Variants in CALN1 observed in about 807,000 individuals in gnomAD.
CALN1 encodes the protein calcium-binding protein 8.
A neutral mutation model predicts 30.6 loss-of-function variants in CALN1; 17 were observed. That is an observed-to-expected ratio of 0.56 (90% CI 0.38 to 0.83). CALN1 has a LOEUF of 0.83. Ranked by LOEUF, CALN1 falls within the 40% of genes least tolerant of loss-of-function variation. The probability of loss-of-function intolerance (pLI) is 0.00; values close to 1 mark genes in which losing one functional copy is unlikely to be tolerated. For synonymous variants in CALN1, 156 were observed against 131.4 expected (o/e 1.19, Z -1.28); for missense variants, 291 against 354.9 (o/e 0.82, Z 1.45).
At chr7:72,180,553 G>T in intron 3 of CALN1, among the ~76,000 whole-genome samples, 1 of 140,902 alleles carries the variant, frequency 7.1e-6, no homozygotes, top group Non-Finnish European at 1.5e-5. Context: ...ATCAACTTGG[G>T]CTATTTGGTT....
chr7:72,043,909 G>A lies in CALN1; in HGVS notation c.389-20140C>T, dbSNP rs1198058149. 4.6e-5 allele frequency among the ~76,000 whole-genome samples: 7 copies of A among 152,142 alleles called. No individual in the cohort carries two copies. The East Asian group carries it at 7.7e-4, about 17-fold the overall frequency. On this transcript the variant is annotated intron_variant, in intron 4 of 6. Coordinates refer to ENST00000395275, the MANE Select transcript of CALN1 (RefSeq NM_031468.4). Reference sequence around the variant, plus strand: ...ACAATCATGGCGGAAGGCAAAGGAGGAGCAAGTTACATGGATGTTGGCAGG... The same window carrying A: ...ACAATCATGGCGGAAGGCAAAGGAGAAGCAAGTTACATGGATGTTGGCAGG...
intron 5 of CALN1, among the ~76,000 whole-genome samples, chr7:71,960,981 T>A (rs1797222518): frequency 6.6e-6 from 1 of 152,146 alleles, no homozygotes; most frequent in African/African-American, 2.4e-5. Flanking sequence ...CACACCTGGC[T>A]AATTTTTGTA....
At chr7:72,333,418 A>G (rs1801805494) in intron 2 of CALN1, among the ~76,000 whole-genome samples, 1 of 152,216 alleles carries the variant, frequency 6.6e-6, no homozygotes, top group South Asian at 2.1e-4. Context: ...TGGATGCAAC[A>G]ATGGTGTTTT....
At chr7:72,383,383 G>C (rs1227076409) in intron 2 of CALN1, among the ~76,000 whole-genome samples, 1 of 152,176 alleles carries the variant, frequency 6.6e-6, no homozygotes, top group Non-Finnish European at 1.5e-5. Flanking sequence ...CCCACCAAAA[G>C]TGTATGAGCG....
intron 3 of CALN1, among the ~76,000 whole-genome samples, chr7:72,108,411 T>C (rs1807327161): frequency 6.6e-6 from 1 of 152,240 alleles, no homozygotes. Flanking sequence ...TGCTACACTA[T>C]TGCATCCAGT....
rs182673048 is a variant in CALN1 at position 72,417,441 on chromosome 7, G to A, written c.-225-5166C>T. The stretch of plus-strand genomic sequence containing the variant: ...AAGTAAATGAGAACCTAAACCAAAG[G>A]TGACAAAGAAATCAGTTGCAAGCCT... On this transcript the variant is annotated intron_variant, in intron 1 of 6. Transcript: ENST00000395276. Among the ~76,000 whole-genome samples the A allele has an allele frequency of 1.1e-4, 16 of 152,268 alleles. No homozygotes were observed. The East Asian group carries it at 3.1e-3, about 29-fold the overall frequency.
intron 6 of CALN1, among the ~76,000 whole-genome samples, chr7:71,803,303 G>C (rs1384453628): frequency 6.6e-6 from 1 of 152,144 alleles, no homozygotes; most frequent in Non-Finnish European, 1.5e-5. Context: ...CGGGAAGCCA[G>C]GTGTGATTGA....
intron 5 of CALN1, among the ~76,000 whole-genome samples, chr7:71,863,854 G>C (rs1315301927): frequency 6.6e-6 from 1 of 152,084 alleles, no homozygotes; most frequent in Non-Finnish European, 1.5e-5. Flanking sequence ...TATGTTTCCA[G>C]CTCTCTCTCT....
intron 2 of CALN1, among the ~76,000 whole-genome samples, chr7:72,338,078 G>C (rs1303188981): frequency 6.6e-6 from 1 of 152,114 alleles, no homozygotes; most frequent in African/African-American, 2.4e-5. Context: ...GGTTTGTCTT[G>C]GCAAGAAAAA....
At chr7:72,428,135 A>C (rs1807856586) in intron 1 of CALN1, among the ~76,000 whole-genome samples, 1 of 152,202 alleles carries the variant, frequency 6.6e-6, no homozygotes, top group Non-Finnish European at 1.5e-5. Context: ...CCATCATAGC[A>C]TTGATCACTG....
chr7:72,337,682 G>A (rs556853611), intron 2 of CALN1: 4 of 152,570 alleles, frequency 2.6e-5, no homozygotes, highest in East Asian at 3.9e-4. Context: ...CCGAAGTGGA[G>A]GGGCCAATGG....
At chr7:72,008,746 C>T (rs1286305621) in intron 5 of CALN1, among the ~76,000 whole-genome samples, 4 of 151,254 alleles carry the variant, frequency 2.6e-5, no homozygotes, top group African/African-American at 9.7e-5. Flanking sequence ...ACCTCCGCCT[C>T]CCGGGTTCAA....
At chr7:72,406,953 T>C (rs1310644577) in intron 1 of CALN1, among the ~76,000 whole-genome samples, 1 of 152,064 alleles carries the variant, frequency 6.6e-6, no homozygotes, top group Admixed American at 6.6e-5. Context: ...ACCTACCCAC[T>C]TCCTTTAGCA....
chr7:72,098,459 T>C (rs1806392552), intron 4 of CALN1, among the ~76,000 whole-genome samples: 1 of 152,100 alleles, frequency 6.6e-6, no homozygotes, highest in Non-Finnish European at 1.5e-5. Flanking sequence ...ATCCCACCAC[T>C]TAGCGAGGCT....
rs755358796 is a variant in CALN1 at position 71,787,651 on chromosome 7, C to T, written c.*124G>A. The T allele has an allele frequency of 8.6e-5, 119 of 1,380,284 alleles. No homozygotes were observed. The highest frequency in any genetic ancestry group is 1.0e-4 in the Non-Finnish European group (106 of 1,028,718). 85.5% of individuals were successfully genotyped at this position (1,380,284 alleles called of 1,614,324 possible). On this transcript the variant is annotated 3_prime_UTR_variant, in exon 7 of 7. Transcript: ENST00000395275. The stretch of plus-strand genomic sequence containing the variant: ...ACTCAACCTTGGGTTCTTTACTGAA[C>T]GGTTCCATCGTCCGCATCCATCCAT...
chr7:72,378,038 T>C (rs1279370279), intron 2 of CALN1, among the ~76,000 whole-genome samples: 1 of 152,158 alleles, frequency 6.6e-6, no homozygotes, highest in Admixed American at 6.5e-5. Context: ...ATTAGTCTGT[T>C]GTTTGCTTCA....
chr7:72,247,647 TG>T (rs1272145048), intron 3 of CALN1, among the ~76,000 whole-genome samples: 1 of 152,194 alleles, frequency 6.6e-6, no homozygotes, highest in Non-Finnish European at 1.5e-5. Flanking sequence ...CATCTGTATT[TG>T]TTTCCTGTGG....
At chr7:72,502,004 C>T in the CALN1 span, among the ~76,000 whole-genome samples, 2 of 123,744 alleles carry the variant, frequency 1.6e-5, no homozygotes, top group South Asian at 2.5e-4. Flanking sequence ...AATATATATA[C>T]ACACATATAT....
intron 5 of CALN1, among the ~76,000 whole-genome samples, chr7:71,925,284 C>CAAGAAAAGAA (rs71092934): frequency 2.0e-5 from 3 of 151,118 alleles, no homozygotes; most frequent in Non-Finnish European, 4.4e-5. Context: ...AGCAAGCAAG[C>CAAGAAAAGAA]AAGAAAAGAA....
Sources: allele counts gnomAD v4.1 joint callset (sites outside exome capture counted in the v4.1 genomes callset), GRCh38; gene constraint gnomAD v4.1.1; transcripts MANE v1.5; gene names NCBI Gene and HGNC (gene_info 2026-07-23, HGNC 2026-07-21).